SP110: variants seen among roughly 807,000 people sequenced by gnomAD.
SP110 encodes interferon-induced protein 41, 30kD.
A neutral mutation model predicts 92.7 loss-of-function variants in SP110; 62 were observed. That is an observed-to-expected ratio of 0.67 (90% CI 0.55 to 0.83). SP110 has a LOEUF of 0.83. Among genes scored for constraint, SP110 ranks in the 40% least tolerant of loss-of-function variants. The pLI is 0.00. For synonymous variants in SP110, 273 were observed against 305.3 expected, an observed-to-expected ratio of 0.89 and a Z score of 1.10; for missense variants, 793 against 863.9, an observed-to-expected ratio of 0.92 and a Z score of 1.03.
chr2:230,223,028 A>G (rs2045949001), upstream of SP110, among the ~76,000 whole-genome samples: 1 of 149,202 alleles, frequency 6.7e-6, no homozygotes, highest in South Asian at 2.2e-4. Context: ...TGATGTCATC[A>G]ATCAGTCTGA....
At chr2:230,225,622 C>T (rs981207266) in exon 1 of SP110, 11 of 598,076 alleles carry the variant, frequency 1.8e-5, no homozygotes, top group Admixed American at 5.6e-5. Context: ...TCCGTGGCCT[C>T]GTGGGGCTGG....
chr2:230,169,014 T>TC lies in SP110; in HGVS notation c.*109dup. Reference sequence around the variant, plus strand: ...ATCCTATGAAGTGTCTGGGTTTGGGTCCTGAGGGCAGCCAATTACATCCCA... The same window carrying TC: ...ATCCTATGAAGTGTCTGGGTTTGGGTCCCTGAGGGCAGCCAATTACATCCCA... On this transcript the variant is annotated 3_prime_UTR_variant, in exon 19 of 19. Transcript: ENST00000258381. 1.3e-6 allele frequency: 1 copy of TC among 781,940 alleles called. No homozygotes were observed. Among genetic ancestry groups the TC allele is most frequent in the Non-Finnish European group, 2.3e-6 (1 of 430,072 alleles). The allele number at this position is 781,940 out of a possible 1,614,324, so 48.4% of individuals were successfully genotyped here.
At chr2:230,206,684 A>C (rs2043896544) in intron 8 of SP110, among the ~76,000 whole-genome samples, 3 of 142,350 alleles carry the variant, frequency 2.1e-5, no homozygotes, top group African/African-American at 7.7e-5. Context: ...ATTGTGGGGA[A>C]TATAACTTCC....
Position 230,208,078 on chromosome 2 carries a change from GTTTT to G in SP110, c.830-23_830-20del. The stretch of plus-strand genomic sequence containing the variant: ...TTCTTTCCTAAAAAGAAAGGATAAT[GTTTT>G]ATAGTTACAAACATTGATCTCCCAA... On this transcript the variant is annotated intron_variant, in intron 7 of 18. Transcript: ENST00000258381. 2 of 1,344,230 alleles carry G rather than the reference GTTTT, an allele frequency of 1.5e-6. No homozygotes were observed. The highest frequency in any genetic ancestry group is 2.1e-6 in the Non-Finnish European group (2 of 939,328). 83.3% of individuals were successfully genotyped at this position (1,344,230 alleles called of 1,614,324 possible). A position where few individuals can be genotyped will look rare whatever the true frequency, so the allele number is the denominator to read the frequency against.
At chr2:230,194,436 C>T (rs1406962048) in intron 10 of SP110, among the ~76,000 whole-genome samples, 1 of 146,828 alleles carries the variant, frequency 6.8e-6, no homozygotes, top group African/African-American at 2.5e-5. Flanking sequence ...CTGGTCTATA[C>T]AAAAAATTTA....
intron 7 of SP110, among the ~76,000 whole-genome samples, chr2:230,208,406 A>G (rs1235527445): frequency 6.6e-6 from 1 of 152,240 alleles, no homozygotes. Flanking sequence ...TGTGTGAGAC[A>G]TACTGCTTTA....
upstream of SP110, chr2:230,220,030 G>A: frequency 1.0e-6 from 1 of 985,602 alleles, no homozygotes. Context: ...GAAAAGAAAA[G>A]TGAAAGTTTT....
chr2:230,183,384 A>C (rs1476925138), intron 12 of SP110, among the ~76,000 whole-genome samples, 188 bp downstream of exon 12: 1 of 152,210 alleles, frequency 6.6e-6, no homozygotes, highest in East Asian at 1.9e-4. Flanking sequence ...GGAAATGGCC[A>C]CCATGCACAA....
intron 10 of SP110, among the ~76,000 whole-genome samples, chr2:230,196,993 C>T (rs2148825078): frequency 6.6e-6 from 1 of 152,282 alleles, no homozygotes; most frequent in African/African-American, 2.4e-5. Flanking sequence ...AATAGTGCCA[C>T]AATAAACATA....
In SP110 at chr2:230,166,279, T is replaced by C. The variant is rs1307205843; in HGVS notation, c.*2845A>G. Among the ~76,000 whole-genome samples the C allele has an allele frequency of 1.3e-5, 2 of 152,190 alleles. No individual in the cohort carries two copies. The highest frequency in any genetic ancestry group is 2.4e-5 in the African/African-American group (1 of 41,428). On this transcript the variant is annotated 3_prime_UTR_variant, in exon 19 of 19. Transcript: ENST00000258381. ...AGAGCTGTCTCAAAAACCAACAGAA[T>C]ATCTTCATAGCCTGAAAACCGTAAA...
Position 230,165,998 on chromosome 2 carries a change from A to G in SP110, c.*3126T>C, listed in dbSNP as rs1028001916. 4.0e-4 allele frequency among the ~76,000 whole-genome samples: 60 copies of G among 150,744 alleles called. No homozygotes were observed. The highest frequency in any genetic ancestry group is 8.0e-4 in the Non-Finnish European group (54 of 67,856). On this transcript the variant is annotated 3_prime_UTR_variant, in exon 19 of 19. Coordinates refer to ENST00000258381, the MANE Select transcript of SP110 (RefSeq NM_080424.4). ...AACCTCCACCTCCCGGGTTCAAGCG[A>G]TTCTCCTGCCTCAGCCTCTTGAGTA... is the stretch of plus-strand genomic sequence containing the variant.
intron 2 of SP110, among the ~76,000 whole-genome samples, chr2:230,216,572 T>C (rs536743820): frequency 1.3e-5 from 2 of 152,334 alleles, no homozygotes; most frequent in South Asian, 4.1e-4. Context: ...TTTGTAGTCA[T>C]TGTTACAGCA....
chr2:230,210,453 T>G (rs1238497696), intron 6 of SP110, among the ~76,000 whole-genome samples: 1 of 152,244 alleles, frequency 6.6e-6, no homozygotes, highest in Non-Finnish European at 1.5e-5. Flanking sequence ...ATGTCTTTGC[T>G]GTATGAAAAA....
intron 8 of SP110, among the ~76,000 whole-genome samples, chr2:230,204,898 G>A (rs1316881753): frequency 6.6e-6 from 1 of 152,112 alleles, no homozygotes; most frequent in East Asian, 1.9e-4. Flanking sequence ...CACATGCCAA[G>A]GATCAAAGGG....
intron 13 of SP110, 36 bp from the exon 14 acceptor site, chr2:230,177,716 T>C: frequency 6.2e-7 from 1 of 1,611,178 alleles, no homozygotes. Context: ...TCTACCCCCA[T>C]CCTCTGTGAA....
intron 10 of SP110, 122 bp from the exon 11 acceptor site, chr2:230,186,265 T>G (rs1041566890): frequency 3.2e-6 from 3 of 946,766 alleles, no homozygotes; most frequent in Non-Finnish European, 4.9e-6. Flanking sequence ...TGTATCTTTC[T>G]TCCCCCCAGA....
chr2:230,187,388 T>C (rs2042406540), intron 10 of SP110, among the ~76,000 whole-genome samples: 1 of 152,220 alleles, frequency 6.6e-6, no homozygotes, highest in Non-Finnish European at 1.5e-5. Context: ...ACGCTGGATA[T>C]TAATTCTTCA....
chr2:230,172,976 C>A lies in SP110; in HGVS notation c.1591-17G>T, dbSNP rs766118945. ...GTTTTTCCGCTGCAAGGGCAGATAA[C>A]GTGGGCACCGCTAGGACCATGGAGA... is the stretch of plus-strand genomic sequence containing the variant. On this transcript the variant is annotated splice_polypyrimidine_tract_variant and intron_variant, in intron 14 of 18. Coordinates refer to ENST00000258381, the MANE Select transcript of SP110 (RefSeq NM_080424.4). The A allele has an allele frequency of 1.3e-6, 2 of 1,541,980 alleles. No homozygotes were observed. Among genetic ancestry groups the A allele is most frequent in the African/African-American group, 2.7e-5 (2 of 73,644 alleles).
intron 11 of SP110, among the ~76,000 whole-genome samples, chr2:230,185,620 T>C (rs1240227864): frequency 6.6e-6 from 1 of 152,148 alleles, no homozygotes; most frequent in Non-Finnish European, 1.5e-5. Flanking sequence ...AATGAAACAT[T>C]AAAAAACAAT....
Sources: allele counts gnomAD v4.1 joint callset (sites outside exome capture counted in the v4.1 genomes callset), GRCh38; gene constraint gnomAD v4.1.1; transcripts MANE v1.5; gene names NCBI Gene and HGNC (gene_info 2026-07-23, HGNC 2026-07-21).